The following CSRNP3 variants were observed in gnomAD, a reference collection of about 807,000 sequenced individuals.
CSRNP3 encodes the protein cysteine/serine-rich nuclear protein 3.
A neutral mutation model predicts 48.0 loss-of-function variants in CSRNP3; 12 were observed. The ratio of observed to expected loss-of-function variants is 0.25; its 90% CI spans 0.16 to 0.41. The LOEUF (loss-of-function observed/expected upper bound fraction) is 0.41. CSRNP3 is among the 10% of genes least tolerant of loss of function. The pLI, the probability that CSRNP3 is intolerant of heterozygous loss-of-function variation, is 1.00. For missense variants in CSRNP3, 580 were observed against 724.4 expected (o/e 0.80, Z 2.29); for synonymous variants, 263 against 269.7 (o/e 0.98, Z 0.24).
chr2:165,677,330 C>T (rs1215539559), intron 6 of CSRNP3, among the ~76,000 whole-genome samples: 1 of 152,102 alleles, frequency 6.6e-6, no homozygotes, highest in African/African-American at 2.4e-5. Flanking sequence ...CCCATATGGC[C>T]CACAAAGCAT....
chr2:165,662,700 T>G (rs2105350168), intron 5 of CSRNP3, among the ~76,000 whole-genome samples: 1 of 152,350 alleles, frequency 6.6e-6, no homozygotes, highest in Admixed American at 6.5e-5. Flanking sequence ...CTGGGTTCTA[T>G]CATACTGGAT....
chr2:165,605,917 A>G (rs1244625908), intron 4 of CSRNP3, among the ~76,000 whole-genome samples: 1 of 152,134 alleles, frequency 6.6e-6, no homozygotes, highest in African/African-American at 2.4e-5. Flanking sequence ...GAGTCTGTGC[A>G]TGGAACAAAT....
chr2:165,507,994 C>G (rs1684451484), intron 2 of CSRNP3, among the ~76,000 whole-genome samples: 1 of 151,956 alleles, frequency 6.6e-6, no homozygotes, highest in Non-Finnish European at 1.5e-5. Flanking sequence ...AGGAACATAT[C>G]CATGATAACA....
intron 4 of CSRNP3, among the ~76,000 whole-genome samples, chr2:165,636,519 G>T: frequency 6.6e-6 from 1 of 152,080 alleles, no homozygotes; most frequent in East Asian, 1.9e-4. Flanking sequence ...CTCCCATTAA[G>T]TTCTCATAAC....
Position 165,595,026 on chromosome 2 carries a change from T to C in CSRNP3, c.-23-17T>C. On this transcript the variant is annotated splice_polypyrimidine_tract_variant and intron_variant, in intron 3 of 6. Transcript: ENST00000651982. Reference sequence around the variant, plus strand: ...GTCAAATATTTCAATGCTCTGTTGCTCTCCTTCCTGTTACAGGTACATGTG... The same window carrying C: ...GTCAAATATTTCAATGCTCTGTTGCCCTCCTTCCTGTTACAGGTACATGTG... The C allele has an allele frequency of 1.9e-6, 3 of 1,608,246 alleles. No individual in the cohort carries two copies. Among genetic ancestry groups the C allele is most frequent in the Non-Finnish European group, 2.6e-6 (3 of 1,176,082 alleles).
intron 2 of CSRNP3, among the ~76,000 whole-genome samples, chr2:165,508,177 T>C (rs1684454366): frequency 6.6e-6 from 1 of 152,112 alleles, no homozygotes; most frequent in Non-Finnish European, 1.5e-5. Context: ...GTCTGCAGTT[T>C]AGCTGTGTTC....
At chr2:165,606,406 G>C (rs1479991735) in intron 4 of CSRNP3, among the ~76,000 whole-genome samples, 5 of 146,550 alleles carry the variant, frequency 3.4e-5, no homozygotes, top group Admixed American at 6.8e-5. Flanking sequence ...AACCTGAGCA[G>C]ATAATACACA....
At chr2:165,609,457 T>TAAA (rs1221485089) in intron 4 of CSRNP3, among the ~76,000 whole-genome samples, 1 of 36,032 alleles carries the variant, frequency 2.8e-5, no homozygotes, top group Non-Finnish European at 4.9e-5. Context: ...AGACTCCGTC[T>TAAA]AAAAAAAGAA....
chr2:165,527,130 A>C (rs1684742207), intron 3 of CSRNP3, among the ~76,000 whole-genome samples: 2 of 151,734 alleles, frequency 1.3e-5, no homozygotes, highest in African/African-American at 4.8e-5. Flanking sequence ...TTAGGGAGCT[A>C]TCTGAAATAT....
At chr2:165,657,709 G>C (rs1313563937) in intron 4 of CSRNP3, 52 bp from the exon 5 acceptor site, 1 of 1,593,936 alleles carries the variant, frequency 6.3e-7, no homozygotes, top group African/African-American at 1.3e-5. Flanking sequence ...TCTTGGCCTT[G>C]TCTGAAAACT....
At chr2:165,519,215 G>A (rs577799840) in intron 3 of CSRNP3, among the ~76,000 whole-genome samples, 26 of 152,164 alleles carry the variant, frequency 1.7e-4, no homozygotes, top group African/African-American at 6.3e-4. Context: ...CAAATTTAAT[G>A]TCATAGAATA....
Position 165,522,276 on chromosome 2 carries a change from G to A in CSRNP3, c.-24+4315G>A, listed in dbSNP as rs554749569. Among the ~76,000 whole-genome samples, 80 of 151,700 alleles carry A rather than the reference G, an allele frequency of 5.3e-4. 1 individual carries two copies. Among genetic ancestry groups the A allele is most frequent in the African/African-American group, 1.9e-3 (79 of 41,344 alleles). On this transcript the variant is annotated intron_variant, in intron 3 of 6. Transcript: ENST00000651982. ...CACTGCACTCCAGCCCTCCAGCCTG[G>A]GTGACAGAGTGAGGCCTTGTCTCAA...
rs1687655071 is a variant in CSRNP3 at position 165,687,809 on chromosome 2, C to T, written c.*8056C>T. ...GTTACATCACTTGATTCAAGCACTC[C>T]CTGGAGCTTTCAAAGCCTTTTTTAT... On this transcript the variant is annotated 3_prime_UTR_variant, in exon 7 of 7. Transcript: ENST00000651982. The T allele has an allele frequency of 1.3e-5, 2 of 151,994 alleles. No individual in the cohort carries two copies. 9.4% of individuals were successfully genotyped at this position (151,994 alleles called of 1,614,324 possible).
chr2:165,625,801 C>T (rs1183720785), intron 4 of CSRNP3, among the ~76,000 whole-genome samples: 2 of 148,642 alleles, frequency 1.3e-5, no homozygotes, highest in Non-Finnish European at 3.0e-5. Flanking sequence ...GGTGCAGAGG[C>T]GGGCACCTAT....
At position 165,551,334 on chromosome 2, in the gene CSRNP3, T is replaced by G. The variant is rs1366930014; in HGVS notation, c.-24+33373T>G. Among the ~76,000 whole-genome samples the G allele has an allele frequency of 5.9e-5, 9 of 152,328 alleles. No homozygotes were observed. In the South Asian group the frequency reaches 1.9e-3, roughly 32 times the overall value. ...AGAAAATGAAGTTTCCTTCGCACCT[T>G]ATTTCCATGATGTCTTATTTATTTT... On this transcript the variant is annotated intron_variant, in intron 3 of 6. Transcript: ENST00000651982.
At chr2:165,508,166 A>T (rs1190214466) in intron 2 of CSRNP3, among the ~76,000 whole-genome samples, 1 of 152,088 alleles carries the variant, frequency 6.6e-6, no homozygotes, top group Non-Finnish European at 1.5e-5. Context: ...TGACTAACAT[A>T]GTCTGCAGTT....
chr2:165,656,990 T>A (rs544943384), intron 4 of CSRNP3, among the ~76,000 whole-genome samples: 2 of 152,330 alleles, frequency 1.3e-5, no homozygotes, highest in East Asian at 3.9e-4. Flanking sequence ...TCAAGCACAA[T>A]CCAAAAATAT....
At chr2:165,544,853 GATC>G (rs1029226304) in intron 3 of CSRNP3, among the ~76,000 whole-genome samples, 32 of 152,098 alleles carry the variant, frequency 2.1e-4, no homozygotes, top group Admixed American at 1.9e-3. Flanking sequence ...GAGACTGTAA[GATC>G]ACAAAAAAGG....
intron 3 of CSRNP3, among the ~76,000 whole-genome samples, chr2:165,543,882 G>A (rs1251597517): frequency 6.6e-6 from 1 of 151,624 alleles, no homozygotes; most frequent in African/African-American, 2.4e-5. Context: ...ACTTTTCTAG[G>A]GCCTTGAACA....
Sources: gnomAD v4.1 joint callset for allele counts (sites outside exome capture counted in the v4.1 genomes callset) on GRCh38, gnomAD v4.1.1 for gene constraint, MANE v1.5 for transcripts, NCBI Gene and HGNC (gene_info 2026-07-23, HGNC 2026-07-21) for gene names.